ATF3: variants seen among roughly 807,000 people sequenced by gnomAD.
ATF3 encodes the protein cyclic AMP-dependent transcription factor ATF-3.
ATF3 carries 10 observed loss-of-function variants against 18.4 expected under a neutral mutation model. The observed-to-expected ratio is 0.54, with a 90% CI of 0.34 to 0.92. ATF3 has a LOEUF of 0.92. ATF3 is among the 40% of genes least tolerant of loss of function. The probability of loss-of-function intolerance (pLI) is 0.02; values close to 1 mark genes in which losing one functional copy is unlikely to be tolerated. For synonymous variants in ATF3, 78 were observed against 87.9 expected, an observed-to-expected ratio of 0.89 and a Z score of 0.63; for missense variants, 183 against 222.3, an observed-to-expected ratio of 0.82 and a Z score of 1.12.
intron 1 of ATF3, among the ~76,000 whole-genome samples, chr1:212,577,673 A>C (rs1664606557): frequency 6.6e-6 from 1 of 151,722 alleles, no homozygotes; most frequent in African/African-American, 2.4e-5. Context: ...GAGATCACGT[A>C]GTATTTGTTT....
intron 1 of ATF3, among the ~76,000 whole-genome samples, chr1:212,580,725 T>G (rs11590662): frequency 1.3e-5 from 2 of 152,210 alleles, no homozygotes; most frequent in Non-Finnish European, 2.9e-5. Context: ...GAGAAAATTG[T>G]GACATTGTCT....
Position 212,615,041 on chromosome 1 carries a change from G to A in ATF3, c.20G>A (p.Gly7Asp). Residue 7 changes from glycine (G) to aspartate (D), a missense_variant, in exon 2 of 4, where the codon GGC (glycine) becomes GAC (aspartate). Coordinates refer to ENST00000341491, the MANE Select transcript of ATF3 (RefSeq NM_001674.4). Reference sequence around the variant, plus strand: ...AGCAAAATGATGCTTCAACACCCAGGCCAGGTCTCTGCCTCGGAAGTGAGT... The same window carrying A: ...AGCAAAATGATGCTTCAACACCCAGACCAGGTCTCTGCCTCGGAAGTGAGT... MMLQHP[G>D]QVSASEVSAS... 6.2e-7 allele frequency: 1 copy of A among 1,614,156 alleles called. No individual in the cohort carries two copies. Among genetic ancestry groups the A allele is most frequent in the Non-Finnish European group, 8.5e-7 (1 of 1,180,046 alleles).
chr1:212,615,872 C>T (rs1377082249), intron 2 of ATF3, among the ~76,000 whole-genome samples: 2 of 149,492 alleles, frequency 1.3e-5, no homozygotes, highest in African/African-American at 4.9e-5. Context: ...TCATTGTAGC[C>T]TCAGTCTCCT....
At chr1:212,597,552 A>T (rs751979270) in intron 1 of ATF3, among the ~76,000 whole-genome samples, 1 of 152,054 alleles carries the variant, frequency 6.6e-6, no homozygotes, top group Admixed American at 6.6e-5. Context: ...GGTGGGTCGT[A>T]TTAGCTTTAT....
chr1:212,578,649 T>A (rs1297505561), intron 1 of ATF3, among the ~76,000 whole-genome samples: 1 of 152,246 alleles, frequency 6.6e-6, no homozygotes, highest in Non-Finnish European at 1.5e-5. Flanking sequence ...GACTATTCAC[T>A]TTGTTGGCTG....
chr1:212,568,740 TA>T (rs1664427615), intron 1 of ATF3, among the ~76,000 whole-genome samples: 1 of 152,100 alleles, frequency 6.6e-6, no homozygotes, highest in African/African-American at 2.4e-5. Flanking sequence ...CCGATGGGGG[TA>T]AATACAGGCT....
upstream of ATF3, among the ~76,000 whole-genome samples, chr1:212,607,908 TA>T (rs566547736): frequency 1.5e-3 from 227 of 146,846 alleles, no homozygotes; most frequent in Non-Finnish European, 1.3e-3. Flanking sequence ...TTTGTGATTG[TA>T]AAAAAAAAAA....
In ATF3 at chr1:212,619,648, T is replaced by A; in HGVS notation, c.*93T>A. On this transcript the variant is annotated 3_prime_UTR_variant, in exon 4 of 4. Transcript: ENST00000341491. The surrounding 1 kb of genome is among the most constrained non-coding windows in gnomAD (Gnocchi z 4.4). ...GCCATTGGAGAGCTGTCTTCCTGTG[T>A]ACCTCTAGAATCCCAGCAGCAGAGA... is the stretch of plus-strand genomic sequence containing the variant. 1.3e-6 allele frequency: 2 copies of A among 1,517,842 alleles called. No individual in the cohort carries two copies. Among genetic ancestry groups the A allele is most frequent in the South Asian group, 1.2e-5 (1 of 83,918 alleles). The allele number at this position is 1,517,842 out of a possible 1,614,324, so 94.0% of individuals were successfully genotyped here. A position where few individuals can be genotyped will look rare whatever the true frequency, so the allele number is the denominator to read the frequency against.
intron 1 of ATF3, among the ~76,000 whole-genome samples, chr1:212,569,487 C>T (rs990271049): frequency 6.6e-6 from 1 of 152,036 alleles, no homozygotes; most frequent in African/African-American, 2.4e-5. Context: ...GAATGGCTTC[C>T]AAAGGAAAAT....
intron 1 of ATF3, among the ~76,000 whole-genome samples, chr1:212,570,422 T>C (rs1664459954): frequency 6.6e-6 from 1 of 152,224 alleles, no homozygotes; most frequent in Admixed American, 6.5e-5. Flanking sequence ...AAATGACAGA[T>C]GCATATGCCT....
At chr1:212,615,937 G>A (rs904355934) in intron 2 of ATF3, among the ~76,000 whole-genome samples, 1 of 151,564 alleles carries the variant, frequency 6.6e-6, no homozygotes, top group African/African-American at 2.4e-5. Context: ...TCACAGGGAT[G>A]AGCCATTGCA....
At chr1:212,603,562 T>C (rs1475506501) in intron 1 of ATF3, among the ~76,000 whole-genome samples, 1 of 152,194 alleles carries the variant, frequency 6.6e-6, no homozygotes, top group Non-Finnish European at 1.5e-5. Flanking sequence ...CTTTCTCTTA[T>C]AAAAATATTT....
At chr1:212,581,453 A>G (rs1032343189) in intron 1 of ATF3, among the ~76,000 whole-genome samples, 1 of 152,180 alleles carries the variant, frequency 6.6e-6, no homozygotes, top group Non-Finnish European at 1.5e-5. Flanking sequence ...AACCCATGGC[A>G]TTTCTTATGG....
intron 1 of ATF3, among the ~76,000 whole-genome samples, chr1:212,581,607 ATGGTT>A (rs1425912546): frequency 2.0e-5 from 3 of 152,228 alleles, no homozygotes; most frequent in African/African-American, 4.8e-5. Context: ...CGTAAAATTA[ATGGTT>A]TGAAGAGAAA....
intron 1 of ATF3, among the ~76,000 whole-genome samples, chr1:212,571,530 C>G (rs2102620008): frequency 6.6e-6 from 1 of 151,684 alleles, no homozygotes; most frequent in Middle Eastern, 3.4e-3. Flanking sequence ...GCTTCAGCCT[C>G]CTGAGTAGCT....
chr1:212,611,578 G>A (rs1273534836), intron 1 of ATF3, among the ~76,000 whole-genome samples: 1 of 152,174 alleles, frequency 6.6e-6, no homozygotes, highest in Non-Finnish European at 1.5e-5. Flanking sequence ...GCCCAGCTTT[G>A]CACCTCTTCA....
chr1:212,597,451 C>CTATCTAT (rs1553302898), intron 1 of ATF3, among the ~76,000 whole-genome samples: 2 of 114,344 alleles, frequency 1.7e-5, no homozygotes, highest in Admixed American at 1.9e-4. Flanking sequence ...ATCTATCTAT[C>CTATCTAT]ATCTATCTCT....
chr1:212,598,159 G>A (rs568585674), intron 1 of ATF3, among the ~76,000 whole-genome samples: 2 of 152,116 alleles, frequency 1.3e-5, no homozygotes, highest in Non-Finnish European at 2.9e-5. Flanking sequence ...ATAAGTAGAA[G>A]AGAAAAAAAG....
chr1:212,568,708 A>G (rs1398433282), intron 1 of ATF3, among the ~76,000 whole-genome samples: 1 of 152,114 alleles, frequency 6.6e-6, no homozygotes, highest in Non-Finnish European at 1.5e-5. Flanking sequence ...GTCATTTGGT[A>G]TTTCTGTCCT....
Sources: gnomAD v4.1 joint callset for allele counts (sites outside exome capture counted in the v4.1 genomes callset) on GRCh38, gnomAD v4.1.1 for gene constraint, Gnocchi (gnomAD v3.1) non-coding constraint, MANE v1.5 for transcripts, NCBI Gene and HGNC (gene_info 2026-07-23, HGNC 2026-07-21) for gene names.